The following GNB1 variants were observed in gnomAD, a reference collection of about 807,000 sequenced individuals.
The protein encoded by GNB1 is G protein subunit beta 1, also known as guanine nucleotide-binding protein G(I)/G(S)/G(T) subunit beta-1.
Under a neutral mutation model 42.9 loss-of-function variants are expected in GNB1, and 2 were observed. The observed-to-expected ratio is 0.05, with a 90% confidence interval of 0.02 to 0.15. GNB1 has a LOEUF of 0.15. Ranked by LOEUF, GNB1 falls within the 10% of genes least tolerant of loss-of-function variation. GNB1 has a pLI of 1.00. For missense variants in GNB1, 193 were observed against 462.2 expected (o/e 0.42, Z 5.34); for synonymous variants, 183 against 174.7 (o/e 1.05, Z -0.38).
chr1:1,852,039 G>A (rs971975732), intron 1 of GNB1, among the ~76,000 whole-genome samples: 9 of 150,888 alleles, frequency 6.0e-5, no homozygotes, highest in Admixed American at 2.0e-4. Context: ...GCGAAACTCC[G>A]TCTCAAAAAA....
At chr1:1,791,060 G>C (rs1271386154) in intron 8 of GNB1, among the ~76,000 whole-genome samples, 1 of 152,188 alleles carries the variant, frequency 6.6e-6, no homozygotes, top group Non-Finnish European at 1.5e-5. Context: ...AGGCAGGCAG[G>C]AGAAGGCCAA....
intron 1 of GNB1, among the ~76,000 whole-genome samples, chr1:1,861,110 C>CCA (rs755412993): frequency 3.7e-5 from 4 of 107,028 alleles, no homozygotes; most frequent in Admixed American, 1.0e-4. Flanking sequence ...CTCTGTCTCA[C>CCA]AAAAAAAAAA....
chr1:1,883,302 A>T (rs1412336348), intron 1 of GNB1, among the ~76,000 whole-genome samples: 6 of 150,794 alleles, frequency 4.0e-5, no homozygotes, highest in Non-Finnish European at 7.4e-5. Context: ...AAAGAAAAAG[A>T]AAAAAAAACC....
chr1:1,814,516 C>T (rs1256539027), intron 5 of GNB1, among the ~76,000 whole-genome samples: 1 of 152,024 alleles, frequency 6.6e-6, no homozygotes, highest in Non-Finnish European at 1.5e-5. Context: ...AAGAAATAGG[C>T]TAGAAGTGGT....
At chr1:1,889,173 C>T (rs1650324397) in intron 1 of GNB1, among the ~76,000 whole-genome samples, 2 of 152,190 alleles carry the variant, frequency 1.3e-5, no homozygotes, top group South Asian at 4.1e-4. Context: ...CTCCAAAGAC[C>T]TTATTCAGTA....
intron 3 of GNB1, among the ~76,000 whole-genome samples, chr1:1,823,242 G>GAAA (rs745874003): frequency 8.7e-4 from 32 of 36,828 alleles, no homozygotes; most frequent in East Asian, 6.7e-3. Flanking sequence ...ACTGTCTCCA[G>GAAA]AAAAAAAAAA....
chr1:1,815,377 G>A (rs1278213816), intron 5 of GNB1, among the ~76,000 whole-genome samples: 1 of 152,194 alleles, frequency 6.6e-6, no homozygotes, highest in Non-Finnish European at 1.5e-5. Flanking sequence ...ATCACAAGAG[G>A]GCGAGGGCCA....
chr1:1,865,288 ACC>A (rs144347694), intron 1 of GNB1, among the ~76,000 whole-genome samples: 10 of 133,810 alleles, frequency 7.5e-5, no homozygotes, highest in African/African-American at 2.6e-4. Context: ...ACAAAAAAAA[ACC>A]AAAAAAAAAA....
At chr1:1,848,716 T>C (rs951492424) in intron 1 of GNB1, among the ~76,000 whole-genome samples, 3 of 152,240 alleles carry the variant, frequency 2.0e-5, no homozygotes, top group Non-Finnish European at 2.9e-5. Flanking sequence ...TAGCAGGCTA[T>C]TAGTAGTTCA....
chr1:1,854,537 G>C (rs1010621859), intron 1 of GNB1, among the ~76,000 whole-genome samples: 2 of 152,188 alleles, frequency 1.3e-5, no homozygotes, highest in African/African-American at 4.8e-5. Context: ...CAGATACACA[G>C]CAAGAGGGAC....
At chr1:1,789,617 G>A (rs1646454560) in intron 9 of GNB1, among the ~76,000 whole-genome samples, 1 of 151,826 alleles carries the variant, frequency 6.6e-6, no homozygotes, top group Non-Finnish European at 1.5e-5. Context: ...GCTTGAAACC[G>A]GGAGGCGGCG....
intron 1 of GNB1, among the ~76,000 whole-genome samples, chr1:1,841,223 C>G (rs372710873): frequency 6.6e-6 from 1 of 151,758 alleles, no homozygotes; most frequent in Non-Finnish European, 1.5e-5. Flanking sequence ...GATTCTCACT[C>G]TGTCACCCTG....
chr1:1,827,795 CA>C (rs1331222606), intron 2 of GNB1, among the ~76,000 whole-genome samples: 1 of 152,164 alleles, frequency 6.6e-6, no homozygotes, highest in Non-Finnish European at 1.5e-5. Flanking sequence ...ACCCCGCACG[CA>C]TAATAGAGAA....
intron 1 of GNB1, among the ~76,000 whole-genome samples, chr1:1,858,543 G>T (rs991449700): frequency 6.6e-6 from 1 of 152,066 alleles, no homozygotes; most frequent in Non-Finnish European, 1.5e-5. Flanking sequence ...CCCTTGTCCA[G>T]GTACTTCCAG....
At chr1:1,868,693 T>C (rs569294252) in intron 1 of GNB1, among the ~76,000 whole-genome samples, 2 of 151,098 alleles carry the variant, frequency 1.3e-5, no homozygotes, top group Admixed American at 6.6e-5. Context: ...TGAGGCAGAA[T>C]TGCTTGAACC....
At position 1,827,245 on chromosome 1, in the gene GNB1, C is replaced by G. The variant is rs76279481; in HGVS notation, c.-46-1746G>C. 8.2e-3 allele frequency among the ~76,000 whole-genome samples: 1,255 copies of G among 152,292 alleles called. 22 individuals are homozygous for G. Among genetic ancestry groups the G allele is most frequent in the African/African-American group, 0.029 (1,205 of 41,564 alleles). ...AACCTACAGTATAGATACTTGATGT[C>G]TACGGTCCACAGAACCAGAAAGGCC... On this transcript the variant is annotated intron_variant, in intron 2 of 11. Coordinates refer to ENST00000378609, the MANE Select transcript of GNB1 (RefSeq NM_002074.5).
chr1:1,828,194 G>T (rs1197792595), intron 2 of GNB1, among the ~76,000 whole-genome samples: 2 of 152,128 alleles, frequency 1.3e-5, no homozygotes, highest in African/African-American at 2.4e-5. Context: ...GGTGGTGTGT[G>T]CCTGTAATCC....
intron 2 of GNB1, among the ~76,000 whole-genome samples, chr1:1,838,195 T>G (rs768934192): frequency 6.6e-6 from 1 of 152,086 alleles, no homozygotes; most frequent in Non-Finnish European, 1.5e-5. Context: ...AGAGCAAGAC[T>G]CTGTCTCAAA....
intron 1 of GNB1, chr1:1,890,472 C>G (rs184495980): frequency 0.077 from 11,537 of 149,182 alleles, 625 homozygotes; most frequent in Middle Eastern, 0.18. Flanking sequence ...TCCGGCTCCC[C>G]ACGCAGGGCC....
Sources: gnomAD v4.1 joint callset for allele counts (sites outside exome capture counted in the v4.1 genomes callset) on GRCh38, gnomAD v4.1.1 for gene constraint, MANE v1.5 for transcripts, NCBI Gene and HGNC (gene_info 2026-07-23, HGNC 2026-07-21) for gene names.